Variants in TOX observed in about 807,000 individuals in gnomAD.
TOX encodes thymocyte selection associated high mobility group box.
Under a neutral mutation model 53.7 loss-of-function variants are expected in TOX, and 11 were observed. That is an observed-to-expected ratio of 0.20 (90% CI 0.13 to 0.34). The LOEUF (loss-of-function observed/expected upper bound fraction) is 0.34, where lower values mean the gene tolerates loss of function less well. Among genes scored for constraint, TOX ranks in the 10% least tolerant of loss-of-function variants. The pLI is 1.00. For missense variants in TOX, 570 were observed against 664.6 expected (o/e 0.86, Z 1.56); for synonymous variants, 225 against 245.3 (o/e 0.92, Z 0.77).
At chr8:59,079,099 A>G (rs1346018592) in intron 1 of TOX, among the ~76,000 whole-genome samples, 3 of 152,214 alleles carry the variant, frequency 2.0e-5, no homozygotes, top group Admixed American at 6.5e-5. Flanking sequence ...GGCTGCTTCT[A>G]ACAACCTAAG....
intron 2 of TOX, among the ~76,000 whole-genome samples, chr8:58,951,836 C>A (rs189363384): frequency 1.3e-5 from 2 of 152,268 alleles, no homozygotes; most frequent in Admixed American, 1.3e-4. Flanking sequence ...CATCAAATAT[C>A]CTAATTTAAG....
intron 4 of TOX, among the ~76,000 whole-genome samples, chr8:58,841,234 C>T (rs544294535): frequency 4.6e-5 from 7 of 152,276 alleles, no homozygotes; most frequent in Middle Eastern, 3.4e-3. Flanking sequence ...TATTTCCATT[C>T]ATAGCACGTA....
At chr8:58,856,525 A>G (rs1440469086) in intron 3 of TOX, among the ~76,000 whole-genome samples, 4 of 152,172 alleles carry the variant, frequency 2.6e-5, no homozygotes, top group Non-Finnish European at 5.9e-5. Flanking sequence ...CAAGATGAAA[A>G]GACTTGATTA....
At position 58,838,699 on chromosome 8, in the gene TOX, C is replaced by CTTTTTTTTTTTTTTTTTTTTTTTTTTT. The variant is rs35347981; in HGVS notation, c.694-389_694-388insAAAAAAAAAAAAAAAAAAAAAAAAAAA. ...TTTCTTCTAAGGAAGTTATCCTTGT[C>CTTTTTTTTTTTTTTTTTTTTTTTTTTT]TTTTTTTTTTTTTTTTTTTTTGAGA... On this transcript the variant is annotated intron_variant, in intron 4 of 8. Coordinates refer to ENST00000361421, the MANE Select transcript of TOX (RefSeq NM_014729.3). 8.9e-4 allele frequency among the ~76,000 whole-genome samples: 79 copies of CTTTTTTTTTTTTTTTTTTTTTTTTTTT among 88,870 alleles called. 4 individuals carry two copies. Among genetic ancestry groups the CTTTTTTTTTTTTTTTTTTTTTTTTTTT allele is most frequent in the African/African-American group, 1.6e-3 (26 of 16,728 alleles). The allele number at this position is 88,870 out of a possible 152,430, so 58.3% of individuals were successfully genotyped here.
intron 2 of TOX, among the ~76,000 whole-genome samples, chr8:58,947,945 T>C (rs1012697381): frequency 6.6e-6 from 1 of 152,126 alleles, no homozygotes; most frequent in Non-Finnish European, 1.5e-5. Context: ...ACCTCTAAGA[T>C]AAGGTCAAGG....
intron 7 of TOX, among the ~76,000 whole-genome samples, chr8:58,810,405 A>C (rs1453027830): frequency 1.3e-5 from 2 of 152,148 alleles, no homozygotes; most frequent in Non-Finnish European, 2.9e-5. Flanking sequence ...CAATGGCACC[A>C]TCTCGGCTCA....
chr8:58,817,936 T>C (rs1810208726), intron 6 of TOX, among the ~76,000 whole-genome samples: 1 of 152,130 alleles, frequency 6.6e-6, no homozygotes, highest in African/African-American at 2.4e-5. Context: ...GAAATAAAAA[T>C]ATCGAATTCA....
chr8:59,113,582 G>A (rs1349815520), intron 1 of TOX, among the ~76,000 whole-genome samples: 1 of 152,214 alleles, frequency 6.6e-6, no homozygotes, highest in African/African-American at 2.4e-5. Flanking sequence ...TGAAGAGGGA[G>A]CCAGGCAGCC....
intron 2 of TOX, among the ~76,000 whole-genome samples, chr8:58,952,988 T>A (rs186998639): frequency 4.6e-5 from 7 of 152,262 alleles, no homozygotes; most frequent in Non-Finnish European, 8.8e-5. Context: ...GCTGGCGAGG[T>A]TGATATAAAA....
intron 1 of TOX, among the ~76,000 whole-genome samples, chr8:59,000,698 A>G (rs2129418089): frequency 6.6e-6 from 1 of 152,316 alleles, no homozygotes; most frequent in East Asian, 1.9e-4. Flanking sequence ...GTATAGCCAT[A>G]AAGAAAAATT....
intron 1 of TOX, among the ~76,000 whole-genome samples, chr8:59,002,857 A>C (rs919904654): frequency 2.6e-5 from 4 of 152,244 alleles, no homozygotes; most frequent in Non-Finnish European, 4.4e-5. Flanking sequence ...GTTCAAGTCA[A>C]CTAGAGCCAT....
At chr8:59,007,006 A>T (rs1362424463) in intron 1 of TOX, among the ~76,000 whole-genome samples, 1 of 152,222 alleles carries the variant, frequency 6.6e-6, no homozygotes, top group African/African-American at 2.4e-5. Context: ...ACACTTGTTG[A>T]TGGATTGAAT....
intron 4 of TOX, among the ~76,000 whole-genome samples, chr8:58,850,272 C>T (rs1230659600): frequency 1.3e-5 from 2 of 152,146 alleles, no homozygotes; most frequent in African/African-American, 4.8e-5. Context: ...TCATAGATCC[C>T]TGGAAAGAGA....
chr8:58,840,252 C>T lies in TOX; in HGVS notation c.694-1941G>A, dbSNP rs150236960. On this transcript the variant is annotated intron_variant, in intron 4 of 8. Coordinates refer to ENST00000361421, the MANE Select transcript of TOX (RefSeq NM_014729.3). ...ATCATTCTGAAATTGTCTACTGAAG[C>T]AGATCAAAGAACCCCAGGGGGACAG... 6.2e-3 allele frequency among the ~76,000 whole-genome samples: 949 copies of T among 152,198 alleles called. 8 individuals carry two copies. The highest frequency in any genetic ancestry group is 0.021 in the African/African-American group (887 of 41,528).
chr8:58,969,621 C>G (rs1050590870), intron 1 of TOX, among the ~76,000 whole-genome samples: 6 of 151,864 alleles, frequency 4.0e-5, no homozygotes, highest in African/African-American at 1.5e-4. Flanking sequence ...TAAGATGTCC[C>G]CTTCACAAGG....
At chr8:58,920,721 T>TAAAAAAA (rs5891703) in intron 3 of TOX, among the ~76,000 whole-genome samples, 5 of 81,044 alleles carry the variant, frequency 6.2e-5, no homozygotes, top group Non-Finnish European at 6.6e-5. Context: ...AAAAAAACAT[T>TAAAAAAA]AAAAAAAAAA....
chr8:59,029,654 G>A (rs2129419964), intron 1 of TOX, among the ~76,000 whole-genome samples: 1 of 152,236 alleles, frequency 6.6e-6, no homozygotes, highest in South Asian at 2.1e-4. Flanking sequence ...TTAAAATGTG[G>A]TAGCAATTTT....
chr8:58,945,895 T>C (rs536020688), intron 2 of TOX, among the ~76,000 whole-genome samples: 29 of 152,232 alleles, frequency 1.9e-4, no homozygotes, highest in African/African-American at 7.0e-4. Flanking sequence ...TGTCCACATA[T>C]TGCAATCATT....
chr8:58,848,635 C>T (rs556978663), intron 4 of TOX, among the ~76,000 whole-genome samples: 135 of 152,130 alleles, frequency 8.9e-4, no homozygotes, highest in Non-Finnish European at 5.4e-4. Flanking sequence ...ATTACAAATA[C>T]GGGATTACAG....
Sources: gnomAD v4.1 joint callset for allele counts (sites outside exome capture counted in the v4.1 genomes callset) on GRCh38, gnomAD v4.1.1 for gene constraint, MANE v1.5 for transcripts, NCBI Gene and HGNC (gene_info 2026-07-23, HGNC 2026-07-21) for gene names.